Variants in RHBDD1 observed in about 807,000 individuals in gnomAD.
RHBDD1 encodes rhomboid domain containing 1.
Under a neutral mutation model 36.3 loss-of-function variants are expected in RHBDD1, and 38 were observed. The ratio of observed to expected loss-of-function variants is 1.05; its 90% CI spans 0.81 to 1.37. The LOEUF is 1.37. RHBDD1 is among the 40% of genes most tolerant of loss of function. The probability of loss-of-function intolerance (pLI) is 0.00; values close to 1 mark genes in which losing one functional copy is unlikely to be tolerated. For synonymous variants in RHBDD1, 151 were observed against 136.5 expected (o/e 1.11, Z -0.74); for missense variants, 393 against 377.6 (o/e 1.04, Z -0.34).
chr2:226,885,292 A>G (rs965292318), intron 5 of RHBDD1, among the ~76,000 whole-genome samples: 2 of 152,208 alleles, frequency 1.3e-5, no homozygotes, highest in Non-Finnish European at 2.9e-5. Context: ...ATTTGTAAAA[A>G]GGTTTATACC....
chr2:226,881,320 C>T (rs755590080), intron 5 of RHBDD1, among the ~76,000 whole-genome samples: 22 of 152,210 alleles, frequency 1.4e-4, no homozygotes, highest in Admixed American at 3.9e-4. Flanking sequence ...CAATCTCTCA[C>T]CCAGAGAAAA....
At chr2:226,800,250 T>A in the RHBDD1 span, 3 of 152,270 alleles carry the variant, frequency 2.0e-5, no homozygotes, top group Non-Finnish European at 4.4e-5. Flanking sequence ...GAGGGAGGTT[T>A]CTAGTCAAGG....
intron 5 of RHBDD1, among the ~76,000 whole-genome samples, chr2:226,874,726 T>G (rs963139529): frequency 1.3e-5 from 2 of 152,224 alleles, no homozygotes; most frequent in Admixed American, 1.3e-4. Context: ...TGCTAAATCC[T>G]TGCCATATAT....
intron 8 of RHBDD1, among the ~76,000 whole-genome samples, chr2:226,958,021 GA>G (rs1951896156): frequency 6.6e-6 from 1 of 152,152 alleles, no homozygotes; most frequent in South Asian, 2.1e-4. Context: ...AGTTTAACCT[GA>G]ATATATTAAT....
At chr2:226,838,972 T>C (rs1315418824) in intron 2 of RHBDD1, among the ~76,000 whole-genome samples, 2 of 152,204 alleles carry the variant, frequency 1.3e-5, no homozygotes, top group Non-Finnish European at 2.9e-5. Flanking sequence ...GGGACACTGT[T>C]ACAGGAAATG....
At chr2:226,913,687 A>T (rs1460796031) in intron 7 of RHBDD1, among the ~76,000 whole-genome samples, 3 of 152,070 alleles carry the variant, frequency 2.0e-5, no homozygotes, top group Non-Finnish European at 4.4e-5. Flanking sequence ...GGGAGCTATA[A>T]TCTCTGACAT....
chr2:226,933,533 G>A (rs1575151442), intron 8 of RHBDD1, among the ~76,000 whole-genome samples: 2 of 152,044 alleles, frequency 1.3e-5, no homozygotes, highest in Admixed American at 6.6e-5. Context: ...CAATTTGGCC[G>A]AAATTTTTTC....
chr2:226,994,497 T>C (rs775892042), intron 8 of RHBDD1, among the ~76,000 whole-genome samples: 19 of 152,192 alleles, frequency 1.2e-4, no homozygotes, highest in Non-Finnish European at 2.5e-4. Flanking sequence ...CTGGTTGATG[T>C]AGGTGATGGG....
At chr2:226,830,605 C>A (rs1030739244), upstream of RHBDD1, among the ~76,000 whole-genome samples, 1 of 152,162 alleles carries the variant, frequency 6.6e-6, no homozygotes, top group Non-Finnish European at 1.5e-5. Flanking sequence ...CTTGGGCTCA[C>A]GTGATCCTCC....
chr2:226,822,319 G>T, the RHBDD1 span, among the ~76,000 whole-genome samples: 14 of 149,484 alleles, frequency 9.4e-5, no homozygotes, highest in African/African-American at 3.6e-4. Flanking sequence ...TTTTGGGGAT[G>T]CTTGCTCTTT....
At chr2:226,942,471 C>A (rs961828005) in intron 8 of RHBDD1, 7 of 298,414 alleles carry the variant, frequency 2.3e-5, no homozygotes, top group Non-Finnish European at 4.0e-5. Flanking sequence ...GATCTCCTGA[C>A]CTCATGATCC....
chr2:226,857,863 T>C (rs997859128), intron 3 of RHBDD1, among the ~76,000 whole-genome samples: 17 of 152,128 alleles, frequency 1.1e-4, no homozygotes, highest in African/African-American at 4.1e-4. Flanking sequence ...TGCACAACCT[T>C]GTGAATATAC....
intron 5 of RHBDD1, among the ~76,000 whole-genome samples, chr2:226,882,564 T>A (rs1475660365): frequency 1.3e-5 from 2 of 152,032 alleles, no homozygotes; most frequent in Non-Finnish European, 2.9e-5. Flanking sequence ...TCTTTTTTTT[T>A]AAACTGGACT....
chr2:226,859,306 T>G (rs1943626025), intron 3 of RHBDD1, among the ~76,000 whole-genome samples: 1 of 152,238 alleles, frequency 6.6e-6, no homozygotes. Flanking sequence ...AGACTTTTTT[T>G]TCTTGTCATT....
chr2:226,947,489 T>A (rs923765381), intron 8 of RHBDD1, among the ~76,000 whole-genome samples: 1 of 152,112 alleles, frequency 6.6e-6, no homozygotes, highest in Non-Finnish European at 1.5e-5. Flanking sequence ...AGTACCATGC[T>A]GTTTTGGTGA....
Position 226,998,592 on chromosome 2 carries a change from A to G in RHBDD1, c.*3070A>G, listed in dbSNP as rs910269622. 1.3e-5 allele frequency: 2 copies of G among 150,918 alleles called. No individual in the cohort carries two copies. The highest frequency in any genetic ancestry group is 2.4e-5 in the African/African-American group (1 of 41,082). 9.3% of individuals were successfully genotyped at this position (150,918 alleles called of 1,614,324 possible). ...CCTAAGTTTCTTCTCTTTTTTTTTC[A>G]TGGCTGCTAGTATTTTATTTTAGAA... On this transcript the variant is annotated 3_prime_UTR_variant, in exon 9 of 9. Transcript: ENST00000392062.
chr2:226,844,946 G>A (rs1417480314), intron 3 of RHBDD1, among the ~76,000 whole-genome samples: 1 of 152,056 alleles, frequency 6.6e-6, no homozygotes, highest in Admixed American at 6.5e-5. Context: ...TATAAATATA[G>A]TCTAATCATT....
chr2:226,881,112 A>G (rs2125393075), intron 5 of RHBDD1, among the ~76,000 whole-genome samples: 1 of 152,268 alleles, frequency 6.6e-6, no homozygotes, highest in Admixed American at 6.5e-5. Context: ...AGAAGTGCCA[A>G]GAGAAGGGGG....
intron 5 of RHBDD1, among the ~76,000 whole-genome samples, chr2:226,898,930 C>T (rs1458588259): frequency 6.6e-6 from 1 of 152,198 alleles, no homozygotes; most frequent in East Asian, 1.9e-4. Context: ...CTCCAAGTTG[C>T]GTCCTTAATG....
Sources: gnomAD v4.1 joint callset for allele counts (sites outside exome capture counted in the v4.1 genomes callset) on GRCh38, gnomAD v4.1.1 for gene constraint, MANE v1.5 for transcripts, NCBI Gene and HGNC (gene_info 2026-07-23, HGNC 2026-07-21) for gene names.